Variants in TCTN2 observed in about 807,000 individuals in gnomAD.
TCTN2 encodes the protein tectonic family member 2, also known as tectonic-2.
A neutral mutation model predicts 83.4 loss-of-function variants in TCTN2; 66 were observed. The ratio of observed to expected loss-of-function variants is 0.79; its 90% confidence interval spans 0.65 to 0.97. The LOEUF (loss-of-function observed/expected upper bound fraction) is 0.97, where lower values mean the gene tolerates loss of function less well. Among genes scored for constraint, TCTN2 ranks in the 50% least tolerant of loss-of-function variants. The pLI, the probability that TCTN2 is intolerant of heterozygous loss-of-function variation, is 0.00. For missense variants in TCTN2, 794 were observed against 858.1 expected (o/e 0.93, Z 0.93); for synonymous variants, 301 against 326.7 (o/e 0.92, Z 0.85).
At chr12:123,700,594 C>A (rs1048030865) in intron 14 of TCTN2, among the ~76,000 whole-genome samples, 14 of 152,214 alleles carry the variant, frequency 9.2e-5, no homozygotes, top group African/African-American at 2.6e-4. Context: ...CACCACCTGG[C>A]TAATTTTTGT....
intron 6 of TCTN2, 21 bp from the exon 7 acceptor site, chr12:123,688,030 G>A: frequency 6.2e-7 from 1 of 1,613,314 alleles, no homozygotes; most frequent in South Asian, 1.1e-5. Context: ...AAACTATTCA[G>A]CCTTTCTTAT....
chr12:123,703,673 G>C (rs1246721556), intron 14 of TCTN2, among the ~76,000 whole-genome samples: 1 of 150,974 alleles, frequency 6.6e-6, no homozygotes. Flanking sequence ...TTTTTCTCGA[G>C]GAGACAGGGT....
intron 6 of TCTN2, 68 bp downstream of exon 6, chr12:123,687,103 A>G: frequency 6.4e-7 from 1 of 1,558,726 alleles, no homozygotes; most frequent in Non-Finnish European, 8.9e-7. Context: ...ATACTCTAGT[A>G]GGCCCTGCAA....
chr12:123,674,157 T>G (rs1159316697), intron 4 of TCTN2, among the ~76,000 whole-genome samples: 3 of 152,236 alleles, frequency 2.0e-5, no homozygotes, highest in Non-Finnish European at 4.4e-5. Context: ...TTTAAGAAAT[T>G]TCATTTTGTA....
chr12:123,707,453 C>T, intron 17 of TCTN2, 151 bp from the exon 18 acceptor site: 1 of 749,492 alleles, frequency 1.3e-6, no homozygotes, highest in Non-Finnish European at 2.4e-6. Context: ...GCTGGCCAGG[C>T]TGGTCTCGAA....
At chr12:123,672,904 G>T (rs546401510) in intron 3 of TCTN2, among the ~76,000 whole-genome samples, 12 of 152,302 alleles carry the variant, frequency 7.9e-5, no homozygotes, top group African/African-American at 2.6e-4. Context: ...ACAAAAATTA[G>T]CTGGGCGTGA....
At chr12:123,673,570 C>A (rs1955782147) in intron 3 of TCTN2, 45 bp from the exon 4 acceptor site, 1 of 1,576,694 alleles carries the variant, frequency 6.3e-7, no homozygotes. Context: ...TCTTATAGAC[C>A]CTGTTTTGAG....
intron 5 of TCTN2, among the ~76,000 whole-genome samples, chr12:123,679,736 G>GTTTT (rs768949387): frequency 1.5e-4 from 16 of 105,760 alleles, no homozygotes; most frequent in Non-Finnish European, 2.9e-4. Context: ...TTCAAATTGA[G>GTTTT]TTTTTTTTTT....
At chr12:123,683,670 G>T (rs932797884) in intron 5 of TCTN2, among the ~76,000 whole-genome samples, 2 of 152,018 alleles carry the variant, frequency 1.3e-5, no homozygotes, top group Admixed American at 1.3e-4. Context: ...ACGGAGCCTC[G>T]CTCTGTTGCC....
intron 5 of TCTN2, among the ~76,000 whole-genome samples, chr12:123,683,558 GT>G (rs1333122779): frequency 6.6e-6 from 1 of 152,130 alleles, no homozygotes; most frequent in Non-Finnish European, 1.5e-5. Flanking sequence ...TGGATTACAG[GT>G]GTGAGTCACC....
chr12:123,678,673 T>C (rs542450100), intron 4 of TCTN2, among the ~76,000 whole-genome samples: 1 of 152,344 alleles, frequency 6.6e-6, no homozygotes, highest in South Asian at 2.1e-4. Context: ...CTTTGGTTCA[T>C]TGTAACTGGC....
chr12:123,705,316 C>T (rs1956216685), intron 15 of TCTN2, among the ~76,000 whole-genome samples: 1 of 151,992 alleles, frequency 6.6e-6, no homozygotes, highest in East Asian at 1.9e-4. Flanking sequence ...GCACGTGCCA[C>T]CATGTCCAGC....
intron 4 of TCTN2, among the ~76,000 whole-genome samples, chr12:123,675,913 A>G (rs941778263): frequency 6.6e-6 from 1 of 152,192 alleles, no homozygotes; most frequent in Admixed American, 6.5e-5. Flanking sequence ...TGATGAAAAA[A>G]AAAATCCCCC....
At chr12:123,686,445 TGTCTG>T (rs1281820258) in intron 5 of TCTN2, among the ~76,000 whole-genome samples, 1 of 152,216 alleles carries the variant, frequency 6.6e-6, no homozygotes, top group Non-Finnish European at 1.5e-5. Context: ...TCACTCTAAA[TGTCTG>T]GAGGCTTTTC....
chr12:123,696,558 T>G (rs953049438), intron 12 of TCTN2, 63 bp downstream of exon 12: 16 of 1,404,622 alleles, frequency 1.1e-5, no homozygotes, highest in Non-Finnish European at 1.6e-5. Context: ...TATTACCATA[T>G]TTTGAATCTA....
At chr12:123,699,872 C>T (rs934054177) in intron 14 of TCTN2, 62 bp downstream of exon 14, 97 of 1,356,820 alleles carry the variant, frequency 7.1e-5, no homozygotes, top group South Asian at 2.6e-4. Context: ...CAACTGTAGT[C>T]GCAGCATTAG....
At chr12:123,691,509 C>A (rs1359336433) in intron 8 of TCTN2, among the ~76,000 whole-genome samples, 1 of 152,156 alleles carries the variant, frequency 6.6e-6, no homozygotes, top group Non-Finnish European at 1.5e-5. Context: ...AATCATAGTC[C>A]ATTGCATGGA....
chr12:123,676,373 T>G (rs553732560), intron 4 of TCTN2, among the ~76,000 whole-genome samples: 3 of 151,534 alleles, frequency 2.0e-5, no homozygotes, highest in Non-Finnish European at 4.4e-5. Context: ...TCGAGACCAT[T>G]CTGGCTAACA....
At chr12:123,705,892 G>A (rs1335385923) in intron 15 of TCTN2, among the ~76,000 whole-genome samples, 1 of 151,692 alleles carries the variant, frequency 6.6e-6, no homozygotes, top group Non-Finnish European at 1.5e-5. Context: ...AAGTAGCTGA[G>A]GTTACAAGCA....
Sources: gnomAD v4.1 joint callset for allele counts (sites outside exome capture counted in the v4.1 genomes callset) on GRCh38, gnomAD v4.1.1 for gene constraint, MANE v1.5 for transcripts, NCBI Gene and HGNC (gene_info 2026-07-23, HGNC 2026-07-21) for gene names.